RIC8B: variants seen among roughly 807,000 people sequenced by gnomAD.
RIC8B encodes the protein RIC8 guanine nucleotide exchange factor B.
RIC8B carries 16 observed loss-of-function variants against 57.5 expected under a neutral mutation model. The ratio of observed to expected loss-of-function variants is 0.28; its 90% CI spans 0.19 to 0.42. The LOEUF (loss-of-function observed/expected upper bound fraction) is 0.42, where lower values mean the gene tolerates loss of function less well. RIC8B is among the 10% of genes least tolerant of loss of function. The pLI, the probability that RIC8B is intolerant of heterozygous loss-of-function variation, is 1.00. For synonymous variants in RIC8B, 216 were observed against 250.8 expected, an observed-to-expected ratio of 0.86 and a Z score of 1.31; for missense variants, 481 against 677.0, an observed-to-expected ratio of 0.71 and a Z score of 3.21.
intron 6 of RIC8B, among the ~76,000 whole-genome samples, chr12:106,844,528 GC>G (rs1275687292): frequency 1.5e-4 from 23 of 152,312 alleles, no homozygotes; most frequent in African/African-American, 4.8e-4. Flanking sequence ...GGTAACAAGA[GC>G]CAGATACAGC....
At chr12:106,841,705 G>A (rs961647561) in intron 4 of RIC8B, among the ~76,000 whole-genome samples, 3 of 152,082 alleles carry the variant, frequency 2.0e-5, no homozygotes, top group Non-Finnish European at 4.4e-5. Flanking sequence ...AAGTTCTAAG[G>A]CACAGGCATA....
intron 8 of RIC8B, among the ~76,000 whole-genome samples, chr12:106,864,611 ATTG>A (rs1243394829): frequency 3.3e-5 from 5 of 152,010 alleles, no homozygotes; most frequent in Admixed American, 1.3e-4. Flanking sequence ...TGGGAATTTT[ATTG>A]TTGTTTTTTG....
intron 3 of RIC8B, among the ~76,000 whole-genome samples, chr12:106,824,781 C>T (rs1018227926): frequency 2.8e-4 from 42 of 151,940 alleles, no homozygotes; most frequent in African/African-American, 1.0e-3. Context: ...GTGGCGGGCA[C>T]CTGTAATCCC....
chr12:106,828,433 AT>A (rs1410281968), intron 4 of RIC8B, among the ~76,000 whole-genome samples: 1 of 152,200 alleles, frequency 6.6e-6, no homozygotes, highest in Admixed American at 6.5e-5. Flanking sequence ...AAGCATAAAA[AT>A]TTTTTTAAAG....
At chr12:106,862,218 AATAGTCATC>A (rs1371446656) in intron 8 of RIC8B, among the ~76,000 whole-genome samples, 1 of 152,074 alleles carries the variant, frequency 6.6e-6, no homozygotes, top group Non-Finnish European at 1.5e-5. Flanking sequence ...TTGTAGTCAG[AATAGTCATC>A]ATTGTGAAAT....
intron 4 of RIC8B, among the ~76,000 whole-genome samples, chr12:106,830,438 A>G (rs2046306221): frequency 6.6e-6 from 1 of 152,252 alleles, no homozygotes; most frequent in African/African-American, 2.4e-5. Context: ...CTCGCTAATC[A>G]ATAGATAAGA....
intron 2 of RIC8B, among the ~76,000 whole-genome samples, chr12:106,805,080 A>G (rs1593149291): frequency 6.6e-6 from 1 of 152,134 alleles, no homozygotes; most frequent in African/African-American, 2.4e-5. Flanking sequence ...GTTATGGGGG[A>G]TCGGGCCCCT....
intron 9 of RIC8B, among the ~76,000 whole-genome samples, chr12:106,875,698 A>G (rs989687501): frequency 3.6e-4 from 54 of 152,098 alleles, no homozygotes; most frequent in Admixed American, 3.5e-3. Flanking sequence ...ATCAAAATCT[A>G]TGTTTTAAAA....
chr12:106,785,318 T>C (rs369984536), intron 2 of RIC8B, among the ~76,000 whole-genome samples: 12 of 152,320 alleles, frequency 7.9e-5, no homozygotes, highest in African/African-American at 2.9e-4. Flanking sequence ...GTACACCTCT[T>C]CTTTTTCTCA....
chr12:106,852,137 G>T (rs1420677752), intron 7 of RIC8B, among the ~76,000 whole-genome samples: 1 of 152,184 alleles, frequency 6.6e-6, no homozygotes, highest in African/African-American at 2.4e-5. Flanking sequence ...CTGTACTACA[G>T]TGTAATAAAT....
intron 2 of RIC8B, among the ~76,000 whole-genome samples, chr12:106,787,051 A>G (rs1364726254): frequency 1.3e-5 from 2 of 152,332 alleles, no homozygotes; most frequent in East Asian, 3.9e-4. Context: ...ACAGTTATTA[A>G]TAAAATGTGT....
chr12:106,775,481 C>T (rs141113300), intron 1 of RIC8B: 70 of 394,540 alleles, frequency 1.8e-4, no homozygotes, highest in Middle Eastern at 1.2e-3. Flanking sequence ...ATCGCATTAA[C>T]AGCTTTCCTA....
At chr12:106,777,445 T>C (rs778114141) in intron 1 of RIC8B, among the ~76,000 whole-genome samples, 1 of 152,028 alleles carries the variant, frequency 6.6e-6, no homozygotes, top group Admixed American at 6.6e-5. Context: ...TCTGGAAAAA[T>C]GGATTTGAGA....
rs1387246791 is a variant in RIC8B at position 106,888,757 on chromosome 12, C to T, written c.*2742C>T. On this transcript the variant is annotated 3_prime_UTR_variant, in exon 10 of 10. Transcript: ENST00000392837. ...GAATCCGTTAGGATAGGCCAGGGAC[C>T]AAGGCTGCAGGCTGGCCTCTCTGCC... 1 of 152,478 alleles carries T rather than the reference C, an allele frequency of 6.6e-6. No individual in the cohort carries two copies. Among genetic ancestry groups the T allele is most frequent in the Non-Finnish European group, 1.5e-5 (1 of 68,072 alleles). The allele number at this position is 152,478 out of a possible 1,614,324, so 9.4% of individuals were successfully genotyped here.
intron 3 of RIC8B, among the ~76,000 whole-genome samples, chr12:106,825,087 T>C (rs561423808): frequency 8.5e-5 from 13 of 152,242 alleles, no homozygotes; most frequent in African/African-American, 3.1e-4. Flanking sequence ...TTAAAGCAGG[T>C]GTAATGGCCC....
intron 2 of RIC8B, among the ~76,000 whole-genome samples, chr12:106,793,882 T>C (rs2044361837): frequency 8.1e-6 from 1 of 123,804 alleles, no homozygotes; most frequent in South Asian, 2.7e-4. Context: ...TGGAAGGGAG[T>C]GCAAATACCT....
intron 4 of RIC8B, among the ~76,000 whole-genome samples, chr12:106,833,409 C>G (rs551334193): frequency 1.4e-3 from 217 of 152,122 alleles, no homozygotes; most frequent in Middle Eastern, 3.4e-3. Context: ...CGAGACCAGC[C>G]TGACCAACAT....
chr12:106,774,721 C>T lies in RIC8B; in HGVS notation c.-25C>T, dbSNP rs1362487277. On this transcript the variant is annotated 5_prime_UTR_variant, in exon 1 of 10. Coordinates refer to ENST00000392837, the MANE Select transcript of RIC8B (RefSeq NM_001330145.2). Reference sequence around the variant, plus strand: ...GCAGCGGCTTGGGCGCGCAGAGCGGCCGCGGCTCCCCCGCACCTGCGGCCA... The same window carrying T: ...GCAGCGGCTTGGGCGCGCAGAGCGGTCGCGGCTCCCCCGCACCTGCGGCCA... 6.5e-7 allele frequency: 1 copy of T among 1,539,060 alleles called. No homozygotes were observed.
chr12:106,802,234 G>C (rs1416607287), intron 2 of RIC8B, among the ~76,000 whole-genome samples: 2 of 152,102 alleles, frequency 1.3e-5, no homozygotes, highest in African/African-American at 4.8e-5. Flanking sequence ...AAATCTTTTA[G>C]TAAAATAGTG....
Sources: allele counts gnomAD v4.1 joint callset (sites outside exome capture counted in the v4.1 genomes callset), GRCh38; gene constraint gnomAD v4.1.1; transcripts MANE v1.5; gene names NCBI Gene and HGNC (gene_info 2026-07-23, HGNC 2026-07-21).